IL6R: variants seen among roughly 807,000 people sequenced by gnomAD.
IL6R encodes interleukin 6 receptor, also known as interleukin-6 receptor subunit alpha.
IL6R carries 38 observed loss-of-function variants against 48.3 expected under a neutral mutation model. The observed-to-expected ratio is 0.79, with a 90% CI of 0.61 to 1.03. IL6R has a LOEUF of 1.03. Ranked by LOEUF, IL6R falls within the 50% of genes least tolerant of loss-of-function variation. The pLI is 0.00. For missense variants in IL6R, 534 were observed against 618.3 expected (o/e 0.86, Z 1.45); for synonymous variants, 264 against 256.2 (o/e 1.03, Z -0.29).
chr1:154,465,656 G>A lies in IL6R; in HGVS notation c.*276G>A. On this transcript the variant is annotated 3_prime_UTR_variant, in exon 10 of 10. Coordinates refer to ENST00000368485, the MANE Select transcript of IL6R (RefSeq NM_000565.4). Reference sequence around the variant, plus strand: ...GAAGAGAACCATATCAAGACTCTTTGGACACTCACACGGACACTCAAAAGC... The same window carrying A: ...GAAGAGAACCATATCAAGACTCTTTAGACACTCACACGGACACTCAAAAGC... 1 of 455,372 alleles carries A rather than the reference G, an allele frequency of 2.2e-6. No individual in the cohort carries two copies. Among genetic ancestry groups the A allele is most frequent in the Non-Finnish European group, 4.0e-6 (1 of 247,012 alleles). 28.2% of individuals were successfully genotyped at this position (455,372 alleles called of 1,614,324 possible).
intron 9 of IL6R, among the ~76,000 whole-genome samples, chr1:154,464,495 A>G (rs1229510673): frequency 6.6e-6 from 1 of 151,972 alleles, no homozygotes; most frequent in Non-Finnish European, 1.5e-5. Flanking sequence ...GGGACTGATG[A>G]TGTGTACCTA....
At chr1:154,429,148 C>CCTT (rs748799521) in intron 1 of IL6R, 48 bp from the exon 2 acceptor site, 16 of 1,581,364 alleles carry the variant, frequency 1.0e-5, no homozygotes, top group Non-Finnish European at 1.4e-5. Flanking sequence ...AACGAAGCCC[C>CCTT]CTTCTTCAGT....
At chr1:154,411,636 G>A (rs1424481139) in intron 1 of IL6R, among the ~76,000 whole-genome samples, 3 of 152,154 alleles carry the variant, frequency 2.0e-5, no homozygotes, top group Non-Finnish European at 4.4e-5. Flanking sequence ...AGGCAGTCCA[G>A]GCCTGTCTCC....
At chr1:154,441,675 G>A (rs1689943681) in intron 6 of IL6R, among the ~76,000 whole-genome samples, 1 of 152,064 alleles carries the variant, frequency 6.6e-6, no homozygotes, top group South Asian at 2.1e-4. Flanking sequence ...TGTTAGGGAC[G>A]CATCAGTGTA....
chr1:154,408,907 G>C (rs1329758054), intron 1 of IL6R, among the ~76,000 whole-genome samples: 1 of 152,160 alleles, frequency 6.6e-6, no homozygotes, highest in Non-Finnish European at 1.5e-5. Flanking sequence ...TACTTTGGGA[G>C]GCTGAGGCAG....
At chr1:154,433,291 G>A (rs1367878741) in intron 3 of IL6R, among the ~76,000 whole-genome samples, 2 of 152,234 alleles carry the variant, frequency 1.3e-5, no homozygotes, top group East Asian at 1.9e-4. Flanking sequence ...AGTGGTTGAC[G>A]TGGCCTCACA....
chr1:154,446,443 C>T (rs1370090582), intron 6 of IL6R, among the ~76,000 whole-genome samples: 1 of 152,190 alleles, frequency 6.6e-6, no homozygotes, highest in Non-Finnish European at 1.5e-5. Flanking sequence ...CCTTGCTAGT[C>T]CTTACTCCTG....
In IL6R at chr1:154,465,354, A is replaced by G. The variant is rs761677464; in HGVS notation, c.1381A>G (p.Asn461Asp). ...CCCACGGAGCCCTTATGACATCAGCAATACAGACTACTTCTTCCCCAGATA... is the reference window on the plus strand; with the variant it reads ...CCCACGGAGCCCTTATGACATCAGCGATACAGACTACTTCTTCCCCAGATA... Reference protein sequence around the residue: ...RDPRSPYDISNTDYFFPR With the variant: ...RDPRSPYDISDTDYFFPR Residue 461 changes from asparagine to aspartate, a missense_variant, in exon 10 of 10, where the codon AAT becomes GAT. By Grantham distance (23) the Asn-to-Asp change is conservative. Transcript: ENST00000368485. 2 of 1,614,180 alleles carry G rather than the reference A, an allele frequency of 1.2e-6. No homozygotes were observed. The highest frequency in any genetic ancestry group is 1.7e-6 in the Non-Finnish European group (2 of 1,180,022).
At chr1:154,445,980 G>A (rs905886617) in intron 6 of IL6R, among the ~76,000 whole-genome samples, 17 of 151,938 alleles carry the variant, frequency 1.1e-4, no homozygotes, top group African/African-American at 4.1e-4. Flanking sequence ...ACCCAGGCTG[G>A]TTTCAAACTC....
Position 154,435,128 on chromosome 1 carries a change from AAC to A in IL6R, c.780_781del (p.Arg261ValfsTer63). The A allele has an allele frequency of 5.6e-6, 9 of 1,614,134 alleles. No homozygotes were observed. The highest frequency in any genetic ancestry group is 6.8e-6 in the Non-Finnish European group (8 of 1,180,012). ...CGGTTTGAGCTCAGATATCGGGCTG[AAC>A]GGTCAAAGACATTCACAACATGGAT... On this transcript the variant is annotated frameshift_variant, in exon 5 of 10. Coordinates refer to ENST00000368485, the MANE Select transcript of IL6R (RefSeq NM_000565.4). LOFTEE classifies it high-confidence loss of function.
At chr1:154,454,759 G>A (rs989518847) in intron 9 of IL6R, among the ~76,000 whole-genome samples, 178 bp downstream of exon 9, 1 of 152,188 alleles carries the variant, frequency 6.6e-6, no homozygotes, top group Non-Finnish European at 1.5e-5. Context: ...TTTAGGTGCT[G>A]CAGGAGACAA....
At chr1:154,451,738 G>T (rs911827662) in intron 8 of IL6R, among the ~76,000 whole-genome samples, 2 of 151,936 alleles carry the variant, frequency 1.3e-5, no homozygotes, top group Non-Finnish European at 2.9e-5. Context: ...GTTTCTCCAT[G>T]TTAGTCAGGC....
At chr1:154,449,761 A>AT in intron 7 of IL6R, 150 bp from the exon 8 acceptor site, 1 of 639,508 alleles carries the variant, frequency 1.6e-6, no homozygotes, top group Non-Finnish European at 2.9e-6. Context: ...TAATAGTATT[A>AT]TTGATTTTTC....
rs1358639016 is a variant in IL6R at position 154,469,389 on chromosome 1, TC to T, written c.*4010del. ...CAGTATATTTTTCAGTGTTTTTTTT[TC>T]TACCAGCTATTTTGCATTTAAAGTG... On this transcript the variant is annotated 3_prime_UTR_variant, in exon 10 of 10. Transcript: ENST00000368485. The T allele has an allele frequency of 6.6e-6, 1 of 150,406 alleles. No individual in the cohort carries two copies. Among genetic ancestry groups the T allele is most frequent in the Non-Finnish European group, 1.5e-5 (1 of 67,322 alleles). 9.3% of individuals were successfully genotyped at this position (150,406 alleles called of 1,614,324 possible).
At chr1:154,432,705 G>A (rs1689368360) in intron 3 of IL6R, among the ~76,000 whole-genome samples, 1 of 152,226 alleles carries the variant, frequency 6.6e-6, no homozygotes, top group Non-Finnish European at 1.5e-5. Context: ...AGAGAGTACA[G>A]TGCTTGTCCT....
rs1444702502 is a variant in IL6R at position 154,405,743 on chromosome 1, TG to T, written c.85+33del. On this transcript the variant is annotated intron_variant, in intron 1 of 9. Coordinates refer to ENST00000368485, the MANE Select transcript of IL6R (RefSeq NM_000565.4). The surrounding 1 kb of genome is among the most constrained non-coding windows in gnomAD (Gnocchi z 5.2). ...AGGGCTTCGGGCGCACCTGGAGGGCTGGGGCAGCTAGCGGCTGGGGGAAACC... is the reference window on the plus strand; with the variant it reads ...AGGGCTTCGGGCGCACCTGGAGGGCTGGGCAGCTAGCGGCTGGGGGAAACC... 2.8e-6 allele frequency: 4 copies of T among 1,414,328 alleles called. No individual in the cohort carries two copies. The highest frequency in any genetic ancestry group is 3.7e-6 in the Non-Finnish European group (4 of 1,087,474). The allele number at this position is 1,414,328 out of a possible 1,614,324, so 87.6% of individuals were successfully genotyped here.
At chr1:154,414,802 A>AC in intron 1 of IL6R, 1 of 757,488 alleles carries the variant, frequency 1.3e-6, no homozygotes, top group Non-Finnish European at 2.4e-6. Context: ...GAACTCAGCC[A>AC]CCCGCTTCTG....
intron 1 of IL6R, among the ~76,000 whole-genome samples, chr1:154,426,684 A>G (rs1688994957): frequency 6.6e-6 from 1 of 152,188 alleles, no homozygotes; most frequent in Non-Finnish European, 1.5e-5. Flanking sequence ...TTTATGCTTC[A>G]TAAATTAACT....
intron 8 of IL6R, chr1:154,454,151 A>G: frequency 3.0e-6 from 1 of 338,052 alleles, no homozygotes; most frequent in South Asian, 3.5e-5. Context: ...GTGGAATGTC[A>G]CCAGAAAAGC....
Sources: allele counts gnomAD v4.1 joint callset (sites outside exome capture counted in the v4.1 genomes callset), GRCh38; gene constraint gnomAD v4.1.1; non-coding constraint Gnocchi (gnomAD v3.1); transcripts MANE v1.5; gene names NCBI Gene and HGNC (gene_info 2026-07-23, HGNC 2026-07-21).